The following NIBAN1 variants were observed in gnomAD, a reference collection of about 807,000 sequenced individuals.
NIBAN1 encodes protein Niban 1.
NIBAN1 carries 81 observed loss-of-function variants against 75.1 expected under a neutral mutation model. The observed-to-expected ratio is 1.08, with a 90% CI of 0.90 to 1.30. NIBAN1 has a LOEUF of 1.30. NIBAN1 is among the 50% of genes most tolerant of loss of function. The pLI, the probability that NIBAN1 is intolerant of heterozygous loss-of-function variation, is 0.00. For synonymous variants in NIBAN1, 436 were observed against 424.8 expected, an observed-to-expected ratio of 1.03 and a Z score of -0.32; for missense variants, 1,133 against 1,128.1, an observed-to-expected ratio of 1.00 and a Z score of -0.06.
rs1337215058 is a variant in NIBAN1 at position 184,792,544 on chromosome 1, G to A, written c.*2433C>T. 2 of 152,738 alleles carry A rather than the reference G, an allele frequency of 1.3e-5. No homozygotes were observed. The highest frequency in any genetic ancestry group is 2.9e-5 in the Non-Finnish European group (2 of 68,086). 9.5% of individuals were successfully genotyped at this position (152,738 alleles called of 1,614,324 possible). ...CCAGGGAGTCGGGCAGCCTTTGTGGGGCTGGGCACTGCCTCTTTGGCTTCC... is the reference window on the plus strand; with the variant it reads ...CCAGGGAGTCGGGCAGCCTTTGTGGAGCTGGGCACTGCCTCTTTGGCTTCC... On this transcript the variant is annotated 3_prime_UTR_variant, in exon 14 of 14. Coordinates refer to ENST00000367511, the MANE Select transcript of NIBAN1 (RefSeq NM_052966.4).
intron 8 of NIBAN1, among the ~76,000 whole-genome samples, chr1:184,822,939 C>G (rs912612638): frequency 1.3e-5 from 2 of 152,028 alleles, no homozygotes; most frequent in African/African-American, 4.8e-5. Flanking sequence ...TACACAGGCA[C>G]TGCCAAAGGC....
At chr1:184,866,559 A>C (rs1183495644) in intron 5 of NIBAN1, among the ~76,000 whole-genome samples, 2 of 152,244 alleles carry the variant, frequency 1.3e-5, no homozygotes, top group Non-Finnish European at 2.9e-5. Flanking sequence ...TTTCAATTTC[A>C]AATCTGTTCC....
intron 11 of NIBAN1, among the ~76,000 whole-genome samples, chr1:184,804,278 G>A: frequency 6.6e-6 from 1 of 152,232 alleles, no homozygotes; most frequent in East Asian, 1.9e-4. Flanking sequence ...ATAGTCATAG[G>A]CAGCGAGAAG....
intron 1 of NIBAN1, among the ~76,000 whole-genome samples, chr1:184,964,807 T>A (rs1050031251): frequency 6.6e-6 from 1 of 152,222 alleles, no homozygotes; most frequent in East Asian, 1.9e-4. Context: ...GTAGAGATGA[T>A]TTTGAAGTAC....
chr1:184,796,140 T>C (rs557436141), intron 13 of NIBAN1, 43 bp from the exon 14 acceptor site: 6 of 1,487,344 alleles, frequency 4.0e-6, no homozygotes, highest in African/African-American at 1.4e-5. Flanking sequence ...CTGATTTTAT[T>C]GAGAAGCCAA....
intron 1 of NIBAN1, among the ~76,000 whole-genome samples, chr1:184,967,399 C>G (rs1210582676): frequency 1.3e-5 from 2 of 151,988 alleles, no homozygotes; most frequent in Non-Finnish European, 2.9e-5. Flanking sequence ...GTTATATGTA[C>G]CTTATTTCTT....
intron 6 of NIBAN1, among the ~76,000 whole-genome samples, chr1:184,824,226 A>G (rs1436969271): frequency 1.3e-5 from 2 of 152,000 alleles, no homozygotes; most frequent in Admixed American, 6.6e-5. Flanking sequence ...CTTCGTCCCC[A>G]CTGTCCCCCA....
chr1:184,894,356 A>T (rs1656746595), intron 2 of NIBAN1, 150 bp from the exon 3 acceptor site: 1 of 780,522 alleles, frequency 1.3e-6, no homozygotes, highest in African/African-American at 1.8e-5. Context: ...CTCCCCCCAC[A>T]ATTTCCCTTT....
intron 1 of NIBAN1, among the ~76,000 whole-genome samples, chr1:184,942,561 G>A (rs572046271): frequency 8.5e-5 from 13 of 152,304 alleles, no homozygotes; most frequent in African/African-American, 2.9e-4. Context: ...GGGCGTGATG[G>A]CGGGCGCCTG....
At chr1:184,928,038 A>G (rs918388479) in intron 1 of NIBAN1, among the ~76,000 whole-genome samples, 1 of 151,942 alleles carries the variant, frequency 6.6e-6, no homozygotes, top group South Asian at 2.1e-4. Context: ...TTTATTCGAG[A>G]CCCAAGGGCT....
chr1:184,864,037 A>G (rs1301387498), intron 5 of NIBAN1, among the ~76,000 whole-genome samples: 5 of 152,206 alleles, frequency 3.3e-5, no homozygotes, highest in Admixed American at 3.3e-4. Flanking sequence ...AGCAGGAGAA[A>G]CTGAATATAT....
chr1:184,905,566 C>T (rs904947975), intron 1 of NIBAN1, among the ~76,000 whole-genome samples: 2 of 152,136 alleles, frequency 1.3e-5, no homozygotes, highest in Non-Finnish European at 2.9e-5. Context: ...TGCCCCTGTG[C>T]ATACATGTGC....
At chr1:184,800,457 T>C (rs1348794280) in intron 12 of NIBAN1, among the ~76,000 whole-genome samples, 1,158 of 135,076 alleles carry the variant, frequency 8.6e-3, no homozygotes, top group South Asian at 0.014. Flanking sequence ...ATGTCCTGAA[T>C]GGTAATGCCT....
intron 8 of NIBAN1, among the ~76,000 whole-genome samples, chr1:184,819,042 C>A (rs1654619020): frequency 6.6e-6 from 1 of 152,242 alleles, no homozygotes; most frequent in Non-Finnish European, 1.5e-5. Context: ...CCTATCCACT[C>A]CCCAAGCTTT....
chr1:184,934,341 C>T (rs927423802), intron 1 of NIBAN1, among the ~76,000 whole-genome samples: 2 of 152,090 alleles, frequency 1.3e-5, no homozygotes, highest in African/African-American at 4.8e-5. Flanking sequence ...GGGAGGAGGG[C>T]AAGTGTTAAA....
intron 5 of NIBAN1, among the ~76,000 whole-genome samples, chr1:184,871,149 C>T (rs1656095298): frequency 6.6e-6 from 1 of 151,932 alleles, no homozygotes; most frequent in African/African-American, 2.4e-5. Context: ...GAGTTCAAGA[C>T]TAGCCTGGCC....
chr1:184,915,024 T>C (rs528858937), intron 1 of NIBAN1, among the ~76,000 whole-genome samples: 66 of 152,330 alleles, frequency 4.3e-4, no homozygotes, highest in Non-Finnish European at 5.7e-4. Context: ...GCCCAGCCCA[T>C]TAACTTTCAT....
intron 1 of NIBAN1, among the ~76,000 whole-genome samples, chr1:184,913,503 T>A (rs1305315645): frequency 6.6e-6 from 1 of 152,114 alleles, no homozygotes; most frequent in Non-Finnish European, 1.5e-5. Flanking sequence ...GAAGAATTAT[T>A]CCCAGCATAC....
intron 1 of NIBAN1, among the ~76,000 whole-genome samples, chr1:184,921,386 A>G (rs922784727): frequency 6.6e-6 from 1 of 152,226 alleles, no homozygotes; most frequent in Non-Finnish European, 1.5e-5. Context: ...AGACTTTTAT[A>G]GAGACAGCGA....
Sources: allele counts gnomAD v4.1 joint callset (sites outside exome capture counted in the v4.1 genomes callset), GRCh38; gene constraint gnomAD v4.1.1; transcripts MANE v1.5; gene names NCBI Gene and HGNC (gene_info 2026-07-23, HGNC 2026-07-21).